The following MTDH variants were observed in gnomAD, a reference collection of about 807,000 sequenced individuals.
The protein encoded by MTDH is protein LYRIC.
Under a neutral mutation model 72.7 loss-of-function variants are expected in MTDH, and 34 were observed. The ratio of observed to expected loss-of-function variants is 0.47; its 90% CI spans 0.36 to 0.62. The LOEUF (loss-of-function observed/expected upper bound fraction) is 0.62, where lower values mean the gene tolerates loss of function less well. MTDH is among the 20% of genes least tolerant of loss of function. MTDH has a pLI of 0.00. For missense variants in MTDH, 677 were observed against 699.4 expected (o/e 0.97, Z 0.36); for synonymous variants, 266 against 268.9 (o/e 0.99, Z 0.10).
intron 6 of MTDH, among the ~76,000 whole-genome samples, chr8:97,693,073 A>G (rs1489067431): frequency 1.3e-5 from 2 of 152,088 alleles, no homozygotes; most frequent in East Asian, 3.9e-4. Context: ...CTTGTGAGTG[A>G]TATTGGATTA....
chr8:97,679,267 G>A (rs760959334), intron 2 of MTDH, among the ~76,000 whole-genome samples: 5 of 151,880 alleles, frequency 3.3e-5, no homozygotes, highest in Admixed American at 1.3e-4. Context: ...TCTTTTTAGT[G>A]AATTCACTTG....
intron 1 of MTDH, among the ~76,000 whole-genome samples, chr8:97,659,461 C>T (rs1437115069): frequency 6.6e-6 from 1 of 152,216 alleles, no homozygotes; most frequent in East Asian, 1.9e-4. Flanking sequence ...AGGAATTTAA[C>T]CAGCTAAAAG....
chr8:97,647,672 C>T lies in MTDH; in HGVS notation c.381+2785C>T, dbSNP rs1811617872. ...AACTTGAGTAAGGCATTTCACCTTG[C>T]TCTGTTCAGTGTATCTTGTTTACAA... is the stretch of plus-strand genomic sequence containing the variant. On this transcript the variant is annotated intron_variant, in intron 1 of 11. Coordinates refer to ENST00000336273, the MANE Select transcript of MTDH (RefSeq NM_178812.4). 3.9e-5 allele frequency among the ~76,000 whole-genome samples: 6 copies of T among 152,316 alleles called. No homozygotes were observed. In the South Asian group the frequency reaches 1.2e-3, roughly 32 times the overall value.
At chr8:97,655,472 T>A (rs903928961) in intron 1 of MTDH, among the ~76,000 whole-genome samples, 27 of 152,254 alleles carry the variant, frequency 1.8e-4, no homozygotes, top group African/African-American at 6.3e-4. Flanking sequence ...ATATATTTGC[T>A]TATTATTTTT....
rs528756964 is a variant in MTDH at position 97,729,478 on chromosome 8, G to A, written c.*4808G>A. 6.6e-6 allele frequency among the ~76,000 whole-genome samples: 1 copy of A among 152,220 alleles called. No homozygotes were observed. The highest frequency in any genetic ancestry group is 1.9e-4 in the East Asian group (1 of 5,184). ...CATTTTGAGATTCTGTTAGGAAGATGAGAATTGGATAATGGGCACCTCTAA... is the reference window on the plus strand; with the variant it reads ...CATTTTGAGATTCTGTTAGGAAGATAAGAATTGGATAATGGGCACCTCTAA... On this transcript the variant is annotated 3_prime_UTR_variant, in exon 12 of 12. Transcript: ENST00000336273.
chr8:97,665,101 A>G (rs1475239216), intron 2 of MTDH, among the ~76,000 whole-genome samples: 1 of 152,002 alleles, frequency 6.6e-6, no homozygotes, highest in Non-Finnish European at 1.5e-5. Context: ...GATCTTATGC[A>G]CCTTTATATA....
intron 1 of MTDH, among the ~76,000 whole-genome samples, chr8:97,658,271 A>G (rs1812054388): frequency 6.6e-6 from 1 of 152,216 alleles, no homozygotes. Flanking sequence ...TTGATGTTGC[A>G]AAGAAGGAAC....
At chr8:97,710,335 A>G (rs1814570812) in intron 8 of MTDH, among the ~76,000 whole-genome samples, 2 of 152,174 alleles carry the variant, frequency 1.3e-5, no homozygotes, top group African/African-American at 4.8e-5. Context: ...ATTTGTGAGA[A>G]TAAACAAAAA....
At chr8:97,723,728 G>A (rs1815235918) in intron 11 of MTDH, among the ~76,000 whole-genome samples, 1 of 151,854 alleles carries the variant, frequency 6.6e-6, no homozygotes, top group Non-Finnish European at 1.5e-5. Context: ...GGGCGACAGA[G>A]CAAGACTCTG....
chr8:97,705,296 CAAA>C (rs55913758), intron 7 of MTDH, among the ~76,000 whole-genome samples: 1 of 136,706 alleles, frequency 7.3e-6, no homozygotes, highest in Non-Finnish European at 1.6e-5. Context: ...GACTCCATCT[CAAA>C]AAAAAAAGAG....
chr8:97,661,258 G>T, intron 2 of MTDH, 85 bp downstream of exon 2: 1 of 976,444 alleles, frequency 1.0e-6, no homozygotes, highest in Non-Finnish European at 1.5e-6. Flanking sequence ...TCATAAGATT[G>T]TATGTATACC....
chr8:97,687,353 C>A (rs1813407714), intron 3 of MTDH, 76 bp from the exon 4 acceptor site: 1 of 1,266,742 alleles, frequency 7.9e-7, no homozygotes, highest in Non-Finnish European at 1.1e-6. Flanking sequence ...GTGCTCCACC[C>A]CATATTCTCC....
chr8:97,658,011 C>T (rs17751967), intron 1 of MTDH, among the ~76,000 whole-genome samples: 6,690 of 152,262 alleles, frequency 0.044, 205 homozygotes, highest in Non-Finnish European at 0.066. Context: ...TGAAAGGACA[C>T]ATTGGCTCTG....
chr8:97,700,257 T>A (rs1315232267), intron 7 of MTDH, among the ~76,000 whole-genome samples: 2 of 152,166 alleles, frequency 1.3e-5, no homozygotes, highest in Non-Finnish European at 2.9e-5. Flanking sequence ...AGTAGAAGTT[T>A]AGTTAAAGGA....
At chr8:97,652,045 A>G (rs1293690687) in intron 1 of MTDH, among the ~76,000 whole-genome samples, 2 of 152,126 alleles carry the variant, frequency 1.3e-5, no homozygotes, top group Non-Finnish European at 2.9e-5. Context: ...ATTCAATCTG[A>G]CTACTTTTTC....
intron 2 of MTDH, among the ~76,000 whole-genome samples, chr8:97,682,287 T>A (rs1813169274): frequency 8.1e-5 from 2 of 24,540 alleles, no homozygotes; most frequent in African/African-American, 1.6e-4. Context: ...TATATTTTTT[T>A]TTTTTTTTTT....
chr8:97,673,236 TTA>T (rs1170324527), intron 2 of MTDH, among the ~76,000 whole-genome samples: 1 of 152,116 alleles, frequency 6.6e-6, no homozygotes, highest in African/African-American at 2.4e-5. Context: ...AAGAAAACAA[TTA>T]GGCCAGGCAT....
Position 97,684,877 on chromosome 8 carries a change from C to A in MTDH, c.484-1791C>A, listed in dbSNP as rs148513709. The stretch of plus-strand genomic sequence containing the variant: ...GGTCAGGAGTTCGAGACCAGCCTGG[C>A]TGACATGGTGAAATCCCATCTCTAT... On this transcript the variant is annotated intron_variant, in intron 2 of 11. Coordinates refer to ENST00000336273, the MANE Select transcript of MTDH (RefSeq NM_178812.4). Among the ~76,000 whole-genome samples, 361 of 152,278 alleles carry A rather than the reference C, an allele frequency of 2.4e-3. 3 individuals carry two copies. The highest frequency in any genetic ancestry group is 8.3e-3 in the African/African-American group (345 of 41,566).
At chr8:97,707,944 A>G (rs1814431722) in intron 8 of MTDH, among the ~76,000 whole-genome samples, 1 of 151,414 alleles carries the variant, frequency 6.6e-6, no homozygotes, top group East Asian at 1.9e-4. Context: ...GAAGCCTTTA[A>G]CAAGTGGATG....
Sources: gnomAD v4.1 joint callset for allele counts (sites outside exome capture counted in the v4.1 genomes callset) on GRCh38, gnomAD v4.1.1 for gene constraint, MANE v1.5 for transcripts, NCBI Gene and HGNC (gene_info 2026-07-23, HGNC 2026-07-21) for gene names.